Variants in SOX5 observed in about 807,000 individuals in gnomAD.
SOX5 encodes SRY-box transcription factor 5.
In SOX5, 9 loss-of-function variants were observed where a neutral mutation model predicts 92.0. The observed-to-expected ratio is 0.10, with a 90% confidence interval of 0.06 to 0.17. The LOEUF (loss-of-function observed/expected upper bound fraction) is 0.17, where lower values mean the gene tolerates loss of function less well. Among genes scored for constraint, SOX5 ranks in the 10% least tolerant of loss-of-function variants. SOX5 has a pLI of 1.00. For missense variants in SOX5, 642 were observed against 944.5 expected (o/e 0.68, Z 4.20); for synonymous variants, 344 against 336.3 (o/e 1.02, Z -0.25).
intron 3 of SOX5, among the ~76,000 whole-genome samples, chr12:23,790,116 A>G (rs1423291865): frequency 6.6e-6 from 1 of 152,198 alleles, no homozygotes; most frequent in African/African-American, 2.4e-5. Context: ...TTTGGGCTCA[A>G]TATGATAATC....
At chr12:23,849,954 A>G (rs191011340) in intron 2 of SOX5, among the ~76,000 whole-genome samples, 41 of 152,260 alleles carry the variant, frequency 2.7e-4, no homozygotes, top group Non-Finnish European at 7.4e-5. Flanking sequence ...ATTTAGAAAA[A>G]AGCTAGTACA....
intron 4 of SOX5, among the ~76,000 whole-genome samples, chr12:24,130,277 G>A (rs146732042): frequency 1.8e-4 from 28 of 152,284 alleles, no homozygotes; most frequent in African/African-American, 5.8e-4. Context: ...TGAAGAAAGC[G>A]ACGCATCTGG....
At chr12:24,026,197 G>C (rs868335872) in intron 4 of SOX5, among the ~76,000 whole-genome samples, 1 of 152,000 alleles carries the variant, frequency 6.6e-6, no homozygotes, top group African/African-American at 2.4e-5. Flanking sequence ...ATTTTGACGG[G>C]GTAACCACGG....
intron 1 of SOX5, among the ~76,000 whole-genome samples, chr12:24,546,555 C>G (rs7959244): frequency 0.24 from 36,246 of 152,074 alleles, 4,989 homozygotes; most frequent in African/African-American, 0.38. Context: ...CACTGCCATG[C>G]CTTTCCACTC....
At chr12:24,494,052 A>G (rs2138016490) in intron 1 of SOX5, among the ~76,000 whole-genome samples, 1 of 152,318 alleles carries the variant, frequency 6.6e-6, no homozygotes, top group African/African-American at 2.4e-5. Flanking sequence ...AAATAATGAT[A>G]TCTATTGAGA....
chr12:24,375,823 T>C (rs1957209751), intron 1 of SOX5, among the ~76,000 whole-genome samples: 2 of 151,876 alleles, frequency 1.3e-5, no homozygotes, highest in South Asian at 2.1e-4. Flanking sequence ...TTGACCCCAA[T>C]AGATGTGTCT....
rs1594923974 is a variant in SOX5, at chr12:23,838,848, G to GGGT, written c.481+7134_481+7135insACC. On this transcript the variant is annotated intron_variant, in intron 3 of 14. Coordinates refer to ENST00000451604, the MANE Select transcript of SOX5 (RefSeq NM_006940.6). ...TCCCAGTAGTTCTTTTTTTTTGGGG[G>GGGT]GGGGGGGCGGGGATGGAGTCTCGCT... Among the ~76,000 whole-genome samples, 5 of 106,820 alleles carry GGGT rather than the reference G, an allele frequency of 4.7e-5. No individual in the cohort carries two copies. The South Asian group carries it at 2.3e-3, about 49-fold the overall frequency. 70.1% of individuals were successfully genotyped at this position (106,820 alleles called of 152,430 possible).
At chr12:24,500,932 T>TAATC (rs1948133494) in intron 1 of SOX5, among the ~76,000 whole-genome samples, 2 of 152,196 alleles carry the variant, frequency 1.3e-5, no homozygotes, top group African/African-American at 4.8e-5. Flanking sequence ...ATCGGTCTTA[T>TAATC]AATCAATCTA....
chr12:23,777,195 T>G (rs2095130871), intron 3 of SOX5, among the ~76,000 whole-genome samples: 1 of 152,156 alleles, frequency 6.6e-6, no homozygotes. Context: ...ACATAGGATT[T>G]GGAGATCATT....
intron 4 of SOX5, among the ~76,000 whole-genome samples, chr12:24,071,561 A>G (rs1412460077): frequency 7.1e-6 from 1 of 141,368 alleles, no homozygotes; most frequent in Non-Finnish European, 1.6e-5. Context: ...CAGCCTCCTG[A>G]GTAGCTGGGA....
At chr12:23,835,397 T>G (rs2096397296) in intron 3 of SOX5, among the ~76,000 whole-genome samples, 1 of 151,856 alleles carries the variant, frequency 6.6e-6, no homozygotes, top group Non-Finnish European at 1.5e-5. Flanking sequence ...TATCTCTGTC[T>G]TGGTCTCTCT....
At chr12:23,596,785 T>C (rs1007075065) in intron 9 of SOX5, among the ~76,000 whole-genome samples, 1 of 152,202 alleles carries the variant, frequency 6.6e-6, no homozygotes, top group Non-Finnish European at 1.5e-5. Flanking sequence ...TTAGCTATGA[T>C]GTTCATTGAG....
At chr12:23,855,334 T>C (rs1480032230) in intron 2 of SOX5, among the ~76,000 whole-genome samples, 1 of 152,098 alleles carries the variant, frequency 6.6e-6, no homozygotes, top group Non-Finnish European at 1.5e-5. Context: ...ACAGCATTAG[T>C]AGGCTTTTAC....
At chr12:23,857,254 A>G (rs925465582) in intron 2 of SOX5, among the ~76,000 whole-genome samples, 3 of 152,216 alleles carry the variant, frequency 2.0e-5, no homozygotes, top group African/African-American at 7.2e-5. Flanking sequence ...CAGGCAATGG[A>G]GAACTATTGT....
chr12:23,756,043 G>A (rs750627576), intron 3 of SOX5, among the ~76,000 whole-genome samples: 1 of 151,730 alleles, frequency 6.6e-6, no homozygotes, highest in African/African-American at 2.4e-5. Context: ...CAATTTCAGG[G>A]TGTTAGTCTG....
At chr12:24,326,023 T>C (rs1357441097) in intron 2 of SOX5, among the ~76,000 whole-genome samples, 1 of 152,208 alleles carries the variant, frequency 6.6e-6, no homozygotes, top group East Asian at 1.9e-4. Flanking sequence ...TCTGTAACTG[T>C]GAAGGACAAC....
chr12:24,124,679 C>T (rs1948941949), intron 4 of SOX5, among the ~76,000 whole-genome samples: 1 of 152,038 alleles, frequency 6.6e-6, no homozygotes, highest in African/African-American at 2.4e-5. Flanking sequence ...GAATTAGAGT[C>T]CAGTAAGCTA....
At chr12:24,113,031 T>G (rs1429362948) in intron 4 of SOX5, among the ~76,000 whole-genome samples, 1 of 151,968 alleles carries the variant, frequency 6.6e-6, no homozygotes, top group East Asian at 1.9e-4. Flanking sequence ...AAATAACAGT[T>G]TTTATCATCT....
At chr12:23,587,117 T>C (rs1269627410) in intron 9 of SOX5, among the ~76,000 whole-genome samples, 1 of 151,940 alleles carries the variant, frequency 6.6e-6, no homozygotes, top group Non-Finnish European at 1.5e-5. Context: ...AAAGTATGTT[T>C]AGTGGGTTTC....
Sources: gnomAD v4.1 joint callset for allele counts (sites outside exome capture counted in the v4.1 genomes callset) on GRCh38, gnomAD v4.1.1 for gene constraint, MANE v1.5 for transcripts, NCBI Gene and HGNC (gene_info 2026-07-23, HGNC 2026-07-21) for gene names.